CTTNBP2NL: variants seen among roughly 807,000 people sequenced by gnomAD.
The protein encoded by CTTNBP2NL is CTTNBP2 N-terminal like.
A neutral mutation model predicts 32.5 loss-of-function variants in CTTNBP2NL; 16 were observed. The observed-to-expected ratio is 0.49, with a 90% CI of 0.33 to 0.75. The LOEUF is 0.75. Ranked by LOEUF, CTTNBP2NL falls within the 30% of genes least tolerant of loss-of-function variation. The probability of loss-of-function intolerance (pLI) is 0.02; values close to 1 mark genes in which losing one functional copy is unlikely to be tolerated. For missense variants in CTTNBP2NL, 645 were observed against 756.0 expected (o/e 0.85, Z 1.72); for synonymous variants, 298 against 289.4 (o/e 1.03, Z -0.30).
intron 3 of CTTNBP2NL, among the ~76,000 whole-genome samples, chr1:112,421,420 C>T (rs1202117822): frequency 1.3e-5 from 2 of 150,676 alleles, no homozygotes; most frequent in East Asian, 1.9e-4. Context: ...CCTGCCTCAG[C>T]CTCCCAAGTA....
intron 3 of CTTNBP2NL, among the ~76,000 whole-genome samples, chr1:112,420,148 C>CT (rs34995369): frequency 0.056 from 7,527 of 134,208 alleles, 582 homozygotes; most frequent in African/African-American, 0.18. Flanking sequence ...GTTGGAGTGG[C>CT]TTTTTTTTTT....
At chr1:112,429,969 A>G (rs1649511434) in intron 3 of CTTNBP2NL, among the ~76,000 whole-genome samples, 1 of 152,144 alleles carries the variant, frequency 6.6e-6, no homozygotes, top group South Asian at 2.1e-4. Flanking sequence ...GCATGAAATT[A>G]GTAAGAGGGA....
intron 4 of CTTNBP2NL, among the ~76,000 whole-genome samples, chr1:112,451,622 A>C (rs1570745701): frequency 6.6e-6 from 1 of 151,612 alleles, no homozygotes; most frequent in Admixed American, 6.6e-5. Context: ...AAATACAAAA[A>C]TTAGCCAGGC....
rs1650509042 is a variant in CTTNBP2NL at position 112,460,187 on chromosome 1, G to A, written c.*2775G>A. On this transcript the variant is annotated 3_prime_UTR_variant, in exon 6 of 6. Coordinates refer to ENST00000271277, the MANE Select transcript of CTTNBP2NL (RefSeq NM_018704.3). ...GTAAAGCCAAATATACCATGCAGAA[G>A]TCTTCATTTTTATAGCAGACTGCAT... 6.6e-6 allele frequency: 1 copy of A among 152,170 alleles called. No individual in the cohort carries two copies. The highest frequency in any genetic ancestry group is 6.5e-5 in the Admixed American group (1 of 15,278). 9.4% of individuals were successfully genotyped at this position (152,170 alleles called of 1,614,324 possible). A position where few individuals can be genotyped will look rare whatever the true frequency, so the allele number is the denominator to read the frequency against.
chr1:112,449,413 C>T, intron 4 of CTTNBP2NL, among the ~76,000 whole-genome samples: 1 of 131,614 alleles, frequency 7.6e-6, no homozygotes, highest in African/African-American at 3.0e-5. Context: ...CTTGATATGT[C>T]ACTCCAAAAC....
At chr1:112,430,480 C>CA (rs1649538548) in intron 3 of CTTNBP2NL, among the ~76,000 whole-genome samples, 1 of 151,354 alleles carries the variant, frequency 6.6e-6, no homozygotes, top group Non-Finnish European at 1.5e-5. Flanking sequence ...TCAAGTGATC[C>CA]ACCCGCCTCG....
At chr1:112,433,928 G>C (rs1362079257) in intron 3 of CTTNBP2NL, among the ~76,000 whole-genome samples, 2 of 151,012 alleles carry the variant, frequency 1.3e-5, no homozygotes, top group Non-Finnish European at 2.9e-5. Context: ...TAAAGAGACG[G>C]GGTCTTGCCA....
At chr1:112,404,400 TA>T (rs1467060329) in intron 1 of CTTNBP2NL, among the ~76,000 whole-genome samples, 34 of 152,218 alleles carry the variant, frequency 2.2e-4, no homozygotes, top group Non-Finnish European at 1.6e-4. Flanking sequence ...TGGGCATCGC[TA>T]AAACACAGAT....
intron 3 of CTTNBP2NL, among the ~76,000 whole-genome samples, chr1:112,448,654 T>C (rs923248864): frequency 1.3e-5 from 2 of 152,168 alleles, no homozygotes; most frequent in Admixed American, 6.5e-5. Context: ...ATCAGCAAAA[T>C]CGAGATGATA....
At chr1:112,432,387 A>C (rs953714953) in intron 3 of CTTNBP2NL, among the ~76,000 whole-genome samples, 3 of 152,122 alleles carry the variant, frequency 2.0e-5, no homozygotes, top group African/African-American at 7.2e-5. Context: ...ATGAGAAAAT[A>C]CTTACTGATG....
intron 2 of CTTNBP2NL, among the ~76,000 whole-genome samples, chr1:112,413,534 G>A (rs927696901): frequency 2.0e-5 from 3 of 152,084 alleles, no homozygotes; most frequent in Admixed American, 6.6e-5. Context: ...CAGATAACTT[G>A]CCCAGTCACA....
chr1:112,395,497 T>C (rs1429697511), upstream of CTTNBP2NL, among the ~76,000 whole-genome samples: 1 of 152,154 alleles, frequency 6.6e-6, no homozygotes, highest in Non-Finnish European at 1.5e-5. Flanking sequence ...CACAATATAA[T>C]GAGGCCAAGG....
At position 112,455,917 on chromosome 1, in the gene CTTNBP2NL, CT is replaced by C. The variant is rs201085546; in HGVS notation, c.439-5del. On this transcript the variant is annotated splice_polypyrimidine_tract_variant and intron_variant, in intron 5 of 5. Transcript: ENST00000271277. ...CAGTTTGTCAGTATGTCTCTCTTTT[CT>C]TTTTTTTTCTAGTTGGAATTTGAAA... is the stretch of plus-strand genomic sequence containing the variant. The C allele has an allele frequency of 3.1e-5, 48 of 1,548,660 alleles. No individual in the cohort carries two copies. Among genetic ancestry groups the C allele is most frequent in the Admixed American group, 6.0e-5 (3 of 49,916 alleles).
At chr1:112,406,614 G>A (rs1022195078) in intron 1 of CTTNBP2NL, among the ~76,000 whole-genome samples, 1 of 152,150 alleles carries the variant, frequency 6.6e-6, no homozygotes, top group Admixed American at 6.5e-5. Context: ...TACATGTCAA[G>A]TACTTAGAAC....
intron 3 of CTTNBP2NL, among the ~76,000 whole-genome samples, chr1:112,444,904 G>A (rs1649990844): frequency 6.6e-6 from 1 of 152,084 alleles, no homozygotes; most frequent in Admixed American, 6.5e-5. Flanking sequence ...TCACACCCTT[G>A]GGTAGTCTGC....
chr1:112,433,248 G>A (rs1001073950), intron 3 of CTTNBP2NL, among the ~76,000 whole-genome samples: 82 of 152,020 alleles, frequency 5.4e-4, no homozygotes, highest in Admixed American at 5.2e-3. Context: ...ATTCATTTTT[G>A]TGTGGGGGTG....
intron 3 of CTTNBP2NL, among the ~76,000 whole-genome samples, chr1:112,418,775 T>C (rs1220844202): frequency 6.6e-6 from 1 of 152,096 alleles, no homozygotes; most frequent in Non-Finnish European, 1.5e-5. Flanking sequence ...CTTCCTACCA[T>C]AGGCTGTGAT....
chr1:112,422,344 T>C (rs910153585), intron 3 of CTTNBP2NL, among the ~76,000 whole-genome samples: 2 of 152,256 alleles, frequency 1.3e-5, no homozygotes, highest in African/African-American at 2.4e-5. Context: ...TACTTAATAG[T>C]GTTGGCATTA....
At chr1:112,441,808 T>C (rs76169572) in intron 3 of CTTNBP2NL, among the ~76,000 whole-genome samples, 3,529 of 152,294 alleles carry the variant, frequency 0.023, 62 homozygotes, top group Non-Finnish European at 0.038. Flanking sequence ...ACTTAGGCAC[T>C]TCTTCATATG....
Sources: gnomAD v4.1 joint callset for allele counts (sites outside exome capture counted in the v4.1 genomes callset) on GRCh38, gnomAD v4.1.1 for gene constraint, MANE v1.5 for transcripts, NCBI Gene and HGNC (gene_info 2026-07-23, HGNC 2026-07-21) for gene names.